The following BTBD9 variants were observed in gnomAD, a reference collection of about 807,000 sequenced individuals.
BTBD9 encodes BTB domain containing 9, also known as BTB/POZ domain-containing protein 9.
Under a neutral mutation model 64.3 loss-of-function variants are expected in BTBD9, and 49 were observed. That is an observed-to-expected ratio of 0.76 (90% CI 0.61 to 0.97). The LOEUF (loss-of-function observed/expected upper bound fraction) is 0.97, where lower values mean the gene tolerates loss of function less well. Ranked by LOEUF, BTBD9 falls within the 50% of genes least tolerant of loss-of-function variation. The pLI, the probability that BTBD9 is intolerant of heterozygous loss-of-function variation, is 0.00. For missense variants in BTBD9, 598 were observed against 762.1 expected, an observed-to-expected ratio of 0.78 and a Z score of 2.53; for synonymous variants, 260 against 274.7, an observed-to-expected ratio of 0.95 and a Z score of 0.53.
intron 6 of BTBD9, among the ~76,000 whole-genome samples, chr6:38,391,039 A>T (rs554517182): frequency 1.0e-3 from 159 of 152,312 alleles, no homozygotes; most frequent in Non-Finnish European, 1.6e-3. Flanking sequence ...ATCCTGGAAT[A>T]TCAAAGCTTC....
intron 6 of BTBD9, among the ~76,000 whole-genome samples, chr6:38,516,938 G>A (rs894029233): frequency 3.9e-5 from 6 of 152,188 alleles, no homozygotes; most frequent in African/African-American, 1.4e-4. Flanking sequence ...AATAAAAAGT[G>A]AAAATTGTTC....
intron 6 of BTBD9, among the ~76,000 whole-genome samples, chr6:38,540,828 T>C (rs1582601880): frequency 6.6e-6 from 1 of 152,232 alleles, no homozygotes; most frequent in South Asian, 2.1e-4. Flanking sequence ...GGCTTAAGTA[T>C]AAATTTTTTA....
chr6:38,515,256 C>A (rs1452291003), intron 6 of BTBD9, among the ~76,000 whole-genome samples: 1 of 152,144 alleles, frequency 6.6e-6, no homozygotes, highest in Non-Finnish European at 1.5e-5. Flanking sequence ...TCTTAAAGAG[C>A]GGATTTAATG....
intron 7 of BTBD9, among the ~76,000 whole-genome samples, chr6:38,335,654 C>T (rs1763864334): frequency 6.6e-6 from 1 of 151,898 alleles, no homozygotes; most frequent in Non-Finnish European, 1.5e-5. Context: ...CAACCTCTGC[C>T]TCTCAGGTTC....
At chr6:38,540,488 T>C (rs765910678) in intron 6 of BTBD9, among the ~76,000 whole-genome samples, 2 of 152,214 alleles carry the variant, frequency 1.3e-5, no homozygotes, top group Non-Finnish European at 2.9e-5. Context: ...CCCAAACCTA[T>C]AAAGCATTTA....
chr6:38,266,647 A>G (rs1245125661), intron 8 of BTBD9, among the ~76,000 whole-genome samples: 1 of 135,914 alleles, frequency 7.4e-6, no homozygotes, highest in Non-Finnish European at 1.5e-5. Flanking sequence ...AGAAAGAAAG[A>G]AAGAAAGAAA....
chr6:38,595,345 T>A (rs1374166469), intron 2 of BTBD9, among the ~76,000 whole-genome samples: 1 of 152,200 alleles, frequency 6.6e-6, no homozygotes, highest in Non-Finnish European at 1.5e-5. Context: ...ATTACAGTGA[T>A]TTTTTATTTT....
intron 6 of BTBD9, among the ~76,000 whole-genome samples, chr6:38,412,868 AC>A (rs11360357): frequency 0.061 from 9,190 of 151,482 alleles, 897 homozygotes; most frequent in African/African-American, 0.21. Context: ...CAAAACAACA[AC>A]AACAACAACA....
intron 10 of BTBD9, among the ~76,000 whole-genome samples, chr6:38,181,939 G>A (rs1205488943): frequency 6.6e-6 from 1 of 152,168 alleles, no homozygotes; most frequent in Non-Finnish European, 1.5e-5. Context: ...AGTGAGCCGA[G>A]ATCGCGCCAC....
intron 6 of BTBD9, among the ~76,000 whole-genome samples, chr6:38,434,879 G>A (rs1328230631): frequency 6.6e-6 from 1 of 151,858 alleles, no homozygotes; most frequent in Non-Finnish European, 1.5e-5. Flanking sequence ...AAAATCTGCA[G>A]ATGTTCAAGT....
chr6:38,598,480 T>G (rs1431219882), intron 1 of BTBD9, among the ~76,000 whole-genome samples: 1 of 152,194 alleles, frequency 6.6e-6, no homozygotes, highest in South Asian at 2.1e-4. Flanking sequence ...ATAGATATAT[T>G]GAGCAAGGTT....
intron 1 of BTBD9, among the ~76,000 whole-genome samples, chr6:38,629,050 A>T (rs1163098921): frequency 5.3e-5 from 8 of 152,116 alleles, no homozygotes; most frequent in African/African-American, 7.2e-5. Context: ...AAACAAAAAC[A>T]ATGATAGTAA....
At chr6:38,633,819 C>T (rs563447307) in intron 1 of BTBD9, among the ~76,000 whole-genome samples, 163 of 152,208 alleles carry the variant, frequency 1.1e-3, no homozygotes, top group African/African-American at 2.9e-3. Context: ...TCTCTATACG[C>T]GTCATGGCCC....
chr6:38,547,118 C>T (rs1774588943), intron 6 of BTBD9, among the ~76,000 whole-genome samples: 3 of 152,164 alleles, frequency 2.0e-5, no homozygotes, highest in Admixed American at 2.0e-4. Flanking sequence ...CCCCATGTCC[C>T]TCTCTCTCCT....
chr6:38,470,775 T>TA (rs1562231571), intron 6 of BTBD9, among the ~76,000 whole-genome samples: 1 of 152,194 alleles, frequency 6.6e-6, no homozygotes, highest in East Asian at 1.9e-4. Flanking sequence ...CCTTCACACT[T>TA]AGTCTGCCTT....
At chr6:38,539,845 C>T (rs1474522368) in intron 6 of BTBD9, among the ~76,000 whole-genome samples, 1 of 152,056 alleles carries the variant, frequency 6.6e-6, no homozygotes, top group Non-Finnish European at 1.5e-5. Flanking sequence ...CCATGTTAGG[C>T]TCTATATGGA....
rs1777117800 is a variant in BTBD9 at position 38,598,229 on chromosome 6, C to T, written c.-27-108G>A. The T allele has an allele frequency of 1.6e-5, 13 of 798,648 alleles. 1 individual carries two copies. In the South Asian group the frequency reaches 2.7e-4, roughly 17 times the overall value. The allele number at this position is 798,648 out of a possible 1,614,324, so 49.5% of individuals were successfully genotyped here. ...AAAATTTAAAGTGCTTAGAAAAATT[C>T]CTATGAGAGAGTTAATCAATGGTAT... On this transcript the variant is annotated intron_variant, in intron 1 of 10. Transcript: ENST00000481247.
chr6:38,505,662 T>C (rs1456001238), intron 6 of BTBD9, among the ~76,000 whole-genome samples: 3 of 148,848 alleles, frequency 2.0e-5, no homozygotes, highest in Non-Finnish European at 3.0e-5. Context: ...TGAATTTCAG[T>C]ATATATAAAA....
At chr6:38,410,547 C>T (rs1022759783) in intron 6 of BTBD9, among the ~76,000 whole-genome samples, 4 of 152,056 alleles carry the variant, frequency 2.6e-5, no homozygotes, top group Non-Finnish European at 4.4e-5. Flanking sequence ...TTTTTTATTC[C>T]ATGAAACTGA....
Sources: gnomAD v4.1 joint callset for allele counts (sites outside exome capture counted in the v4.1 genomes callset) on GRCh38, gnomAD v4.1.1 for gene constraint, MANE v1.5 for transcripts, NCBI Gene and HGNC (gene_info 2026-07-23, HGNC 2026-07-21) for gene names.